The following KPNA6 variants were observed in gnomAD, a reference collection of about 807,000 sequenced individuals.
KPNA6 encodes the protein importin subunit alpha-7.
In KPNA6, 9 loss-of-function variants were observed where a neutral mutation model predicts 72.0. The ratio of observed to expected loss-of-function variants is 0.13; its 90% CI spans 0.08 to 0.22. KPNA6 has a LOEUF of 0.22. Among genes scored for constraint, KPNA6 ranks in the 10% least tolerant of loss-of-function variants. The pLI is 1.00. For synonymous variants in KPNA6, 219 were observed against 242.1 expected (o/e 0.90, Z 0.89); for missense variants, 374 against 655.7 (o/e 0.57, Z 4.69).
At position 32,157,524 on chromosome 1, in the gene KPNA6, G is replaced by A. The variant is rs114076882; in HGVS notation, c.331+79G>A. ...CTTCACTGATGTCATCAACTTACAC[G>A]TGCCCTCACTCATTCTGCTCTAGCC... is the stretch of plus-strand genomic sequence containing the variant. On this transcript the variant is annotated intron_variant, in intron 4 of 13. Coordinates refer to ENST00000373625, the MANE Select transcript of KPNA6 (RefSeq NM_012316.5). 2.1e-4 allele frequency: 209 copies of A among 1,007,396 alleles called. No individual in the cohort carries two copies. The African/African-American group carries it at 2.9e-3, about 14-fold the overall frequency. The allele number at this position is 1,007,396 out of a possible 1,614,324, so 62.4% of individuals were successfully genotyped here. A position where few individuals can be genotyped will look rare whatever the true frequency, so the allele number is the denominator to read the frequency against.
chr1:32,109,977 C>T (rs1239868592), intron 1 of KPNA6, among the ~76,000 whole-genome samples: 2 of 150,794 alleles, frequency 1.3e-5, no homozygotes, highest in African/African-American at 2.4e-5. Flanking sequence ...TTTTTCTGAA[C>T]GAAACTGAAG....
chr1:32,155,194 T>C (rs1170097161), intron 2 of KPNA6, among the ~76,000 whole-genome samples: 2 of 151,610 alleles, frequency 1.3e-5, no homozygotes, highest in African/African-American at 4.8e-5. Flanking sequence ...TAAATAAATG[T>C]TGGGAGCTTT....
chr1:32,135,621 C>T (rs1303510628), intron 1 of KPNA6, among the ~76,000 whole-genome samples: 1 of 150,360 alleles, frequency 6.7e-6, no homozygotes, highest in Non-Finnish European at 1.5e-5. Flanking sequence ...GTGTGAGCCA[C>T]CATGCTTGGC....
intron 1 of KPNA6, among the ~76,000 whole-genome samples, chr1:32,128,970 C>T (rs1373137126): frequency 6.6e-6 from 1 of 152,078 alleles, no homozygotes; most frequent in Non-Finnish European, 1.5e-5. Context: ...ATAAATAATA[C>T]CCAAGTTGCA....
chr1:32,117,168 G>GTT (rs367551348), intron 1 of KPNA6, among the ~76,000 whole-genome samples: 23 of 148,316 alleles, frequency 1.6e-4, no homozygotes, highest in African/African-American at 5.2e-4. Flanking sequence ...CCTTCAATTT[G>GTT]TTTTTTTTTG....
intron 1 of KPNA6, among the ~76,000 whole-genome samples, chr1:32,145,370 G>T (rs1209725717): frequency 6.0e-5 from 9 of 150,034 alleles, no homozygotes; most frequent in Non-Finnish European, 1.3e-4. Context: ...TGTTCCCCAA[G>T]CTGGAGTGCA....
At position 32,127,426 on chromosome 1, in the gene KPNA6, TAA is replaced by T. The variant is rs527993665; in HGVS notation, c.4+19294_4+19295del. Among the ~76,000 whole-genome samples, 37 of 152,350 alleles carry T rather than the reference TAA, an allele frequency of 2.4e-4. No individual in the cohort carries two copies. The South Asian group carries it at 3.9e-3, about 16-fold the overall frequency. The stretch of plus-strand genomic sequence containing the variant: ...CATGGGGCCTTAGAATATTGCCTCC[TAA>T]ATCTAACTCCCTCATTTTGATGAAT... On this transcript the variant is annotated intron_variant, in intron 1 of 13. Coordinates refer to ENST00000373625, the MANE Select transcript of KPNA6 (RefSeq NM_012316.5).
At chr1:32,166,644 GA>G (rs1478588280) in intron 11 of KPNA6, among the ~76,000 whole-genome samples, 3 of 117,736 alleles carry the variant, frequency 2.5e-5, no homozygotes, top group African/African-American at 9.9e-5. Flanking sequence ...AAAAAAAAAA[GA>G]GGGGCTGGGC....
At chr1:32,123,383 A>G (rs560828373) in intron 1 of KPNA6, among the ~76,000 whole-genome samples, 6 of 152,082 alleles carry the variant, frequency 3.9e-5, no homozygotes, top group Admixed American at 2.6e-4. Flanking sequence ...TTTATGTACC[A>G]TGTCTGTGCT....
Position 32,157,398 on chromosome 1 carries a change from A to G in KPNA6, c.284A>G (p.Asp95Gly), listed in dbSNP as rs758657213. The G allele has an allele frequency of 2.5e-6, 4 of 1,613,924 alleles. No homozygotes were observed. In the African/African-American group the frequency reaches 4.0e-5, roughly 16 times the overall value. The change falls in exon 4 of 14, where the codon GAC (aspartate) becomes GGC (glycine). Residue 95 changes from aspartate to glycine, a missense_variant. Asp to Gly is a moderately conservative substitution (Grantham distance 94, BLOSUM62 -1). Coordinates refer to ENST00000373625, the MANE Select transcript of KPNA6 (RefSeq NM_012316.5). ...MVEMLFSDDS[D>G]LQLATTQKFR... ...GAGATGCTCTTTTCTGATGATTCTG[A>G]CCTGCAGTTAGCAACCACACAGAAA...
intron 1 of KPNA6, among the ~76,000 whole-genome samples, chr1:32,151,716 A>ATTGCTG (rs1360136592): frequency 1.4e-4 from 22 of 152,324 alleles, no homozygotes; most frequent in African/African-American, 5.3e-4. Context: ...ACAATTCTGC[A>ATTGCTG]TTGCTGTTGC....
At chr1:32,145,976 T>C (rs1483414151) in intron 1 of KPNA6, among the ~76,000 whole-genome samples, 2 of 152,242 alleles carry the variant, frequency 1.3e-5, no homozygotes, top group Non-Finnish European at 2.9e-5. Flanking sequence ...GATAATGTTT[T>C]ATATGACTTC....
At position 32,166,133 on chromosome 1, in the gene KPNA6, G is replaced by C. The variant is rs1642333966; in HGVS notation, c.1019G>C (p.Cys340Ser). The C allele has an allele frequency of 6.2e-7, 1 of 1,613,812 alleles. No homozygotes were observed. Among genetic ancestry groups the C allele is most frequent in the Non-Finnish European group, 8.5e-7 (1 of 1,179,980 alleles). ...QVILNCSALP[C>S]LLHLLSSPKE... ...ATTCTTAACTGTTCAGCCCTACCTT[G>C]CCTTCTCCACTTGTTGAGCAGTCCC... is the stretch of plus-strand genomic sequence containing the variant. The change falls in exon 11 of 14, where the codon TGC (cysteine) becomes TCC (serine). Residue 340 changes from cysteine to serine, a missense_variant. Cys to Ser is a moderately radical substitution (Grantham distance 112). Transcript: ENST00000373625.
At chr1:32,108,276 G>A in intron 1 of KPNA6, 142 bp downstream of exon 1, 2 of 1,222,766 alleles carry the variant, frequency 1.6e-6, no homozygotes, top group Non-Finnish European at 2.3e-6. Context: ...GGCCGGGAGT[G>A]CCCCTCTTGC....
chr1:32,169,922 T>A lies in KPNA6; in HGVS notation c.1285T>A (p.Leu429Met). The A allele has an allele frequency of 6.2e-7, 1 of 1,614,094 alleles. No individual in the cohort carries two copies. ...SLGCIKPLCDLLTVMDSKIVQ... is the reference protein window; with the variant it reads ...SLGCIKPLCDMLTVMDSKIVQ... ...GGGCTGCATCAAACCCCTATGTGAC[T>A]TGCTGACTGTAATGGATTCGAAGAT... is the stretch of plus-strand genomic sequence containing the variant. Residue 429 changes from leucine to methionine, a missense_variant, in exon 13 of 14, where the codon TTG becomes ATG. Around this residue, in one of 3 missense-constraint regions of KPNA6, gnomAD observed 34 missense variants for 110.5 expected, o/e 0.31. Coordinates refer to ENST00000373625, the MANE Select transcript of KPNA6 (RefSeq NM_012316.5).
chr1:32,141,549 C>T (rs1309412805), intron 1 of KPNA6, among the ~76,000 whole-genome samples: 1 of 151,642 alleles, frequency 6.6e-6, no homozygotes, highest in East Asian at 1.9e-4. Flanking sequence ...AGGCACCCAC[C>T]ATCATGCCTG....
chr1:32,133,160 A>T (rs1360387796), intron 1 of KPNA6, among the ~76,000 whole-genome samples: 1 of 151,408 alleles, frequency 6.6e-6, no homozygotes, highest in Non-Finnish European at 1.5e-5. Context: ...CCTGGAAAAC[A>T]TGTTGAAACC....
chr1:32,126,017 G>C, intron 1 of KPNA6, among the ~76,000 whole-genome samples: 1 of 145,064 alleles, frequency 6.9e-6, no homozygotes, highest in Admixed American at 6.9e-5. Context: ...CCTATTTTCA[G>C]AGCTTGTTTT....
At chr1:32,151,540 A>G (rs558292578) in intron 1 of KPNA6, among the ~76,000 whole-genome samples, 2 of 152,128 alleles carry the variant, frequency 1.3e-5, no homozygotes, top group South Asian at 4.2e-4. Flanking sequence ...ATGCTGTCTC[A>G]GTGTTTTCAG....
Sources: gnomAD v4.1 joint callset for allele counts (sites outside exome capture counted in the v4.1 genomes callset) on GRCh38, gnomAD v4.1.1 for gene constraint, gnomAD v4.1.1 regional missense constraint, MANE v1.5 for transcripts, NCBI Gene and HGNC (gene_info 2026-07-23, HGNC 2026-07-21) for gene names.